LARP4B: variants seen among roughly 807,000 people sequenced by gnomAD.
LARP4B encodes the protein la-related protein 4B.
A neutral mutation model predicts 89.8 loss-of-function variants in LARP4B; 12 were observed. The observed-to-expected ratio is 0.13, with a 90% confidence interval of 0.09 to 0.22. The LOEUF is 0.22. LARP4B is among the 10% of genes least tolerant of loss of function. LARP4B has a pLI of 1.00. For missense variants in LARP4B, 757 were observed against 947.7 expected, an observed-to-expected ratio of 0.80 and a Z score of 2.64; for synonymous variants, 367 against 363.3, an observed-to-expected ratio of 1.01 and a Z score of -0.12.
At chr10:987,133 C>T in the LARP4B span, 1 of 152,082 alleles carries the variant, frequency 6.6e-6, no homozygotes, top group Non-Finnish European at 1.5e-5. Flanking sequence ...TTGCTAATCT[C>T]GGAAATGGTG....
intron 1 of LARP4B, among the ~76,000 whole-genome samples, chr10:905,748 GTCC>G (rs989644165): frequency 3.3e-5 from 5 of 152,182 alleles, no homozygotes; most frequent in Admixed American, 2.0e-4. Flanking sequence ...AGGACTGGAC[GTCC>G]TCCTGGCCTC....
chr10:813,291 A>G, intron 17 of LARP4B, 78 bp from the exon 18 acceptor site: 1 of 1,410,240 alleles, frequency 7.1e-7, no homozygotes, highest in East Asian at 2.5e-5. Flanking sequence ...TTCACTTAAG[A>G]TAAAAGAGTT....
the LARP4B span, among the ~76,000 whole-genome samples, chr10:969,357 G>A: frequency 0.046 from 6,988 of 152,214 alleles, 533 homozygotes; most frequent in African/African-American, 0.16. Flanking sequence ...AAAGCTTGAT[G>A]ACAAGGGCTC....
chr10:869,238 T>C (rs1753003625), intron 3 of LARP4B, among the ~76,000 whole-genome samples: 1 of 152,022 alleles, frequency 6.6e-6, no homozygotes, highest in Non-Finnish European at 1.5e-5. Flanking sequence ...AAGCACAGAT[T>C]TTTAGGTAAG....
Position 812,430 on chromosome 10 carries a change from C to T in LARP4B, c.*496G>A, listed in dbSNP as rs1831780379. The T allele has an allele frequency of 6.6e-6, 1 of 152,278 alleles. No individual in the cohort carries two copies. The highest frequency in any genetic ancestry group is 1.5e-5 in the Non-Finnish European group (1 of 68,104). 9.4% of individuals were successfully genotyped at this position (152,278 alleles called of 1,614,324 possible). ...CAGCTCCCACATCAGCACTGATGCC[C>T]TGGCGCGGCCAGCACTGCCTCTACG... On this transcript the variant is annotated 3_prime_UTR_variant, in exon 18 of 18. Transcript: ENST00000316157.
chr10:816,372 T>A (rs968723967), intron 15 of LARP4B, among the ~76,000 whole-genome samples: 2 of 152,194 alleles, frequency 1.3e-5, no homozygotes, highest in African/African-American at 4.8e-5. Flanking sequence ...ACCCCATCAT[T>A]TCTGGAGCCT....
At chr10:825,917 T>C (rs1486138021) in intron 11 of LARP4B, 47 bp from the exon 12 acceptor site, 1 of 1,199,830 alleles carries the variant, frequency 8.3e-7, no homozygotes, top group East Asian at 2.5e-5. Flanking sequence ...TAAAACAGAC[T>C]TCAATTTCAT....
chr10:863,263 G>A (rs962817532), intron 5 of LARP4B, among the ~76,000 whole-genome samples: 113 of 147,910 alleles, frequency 7.6e-4, no homozygotes, highest in Non-Finnish European at 4.2e-4. Context: ...TCGCTCTGTC[G>A]CCCAGGCTGG....
At chr10:882,129 T>C (rs1291475186) in intron 3 of LARP4B, among the ~76,000 whole-genome samples, 1 of 151,810 alleles carries the variant, frequency 6.6e-6, no homozygotes, top group African/African-American at 2.4e-5. Context: ...TTTAATGGGG[T>C]AATGTAAAAG....
At chr10:947,881 CA>C in the LARP4B span, among the ~76,000 whole-genome samples, 1 of 152,120 alleles carries the variant, frequency 6.6e-6, no homozygotes, top group African/African-American at 2.4e-5. Context: ...CCTCGGCCTC[CA>C]AAAGTGCTGG....
At chr10:844,044 G>A (rs1833657922) in intron 6 of LARP4B, among the ~76,000 whole-genome samples, 1 of 152,224 alleles carries the variant, frequency 6.6e-6, no homozygotes, top group African/African-American at 2.4e-5. Flanking sequence ...TTTCAAAACT[G>A]AGCACAGTGC....
At position 870,876 on chromosome 10, in the gene LARP4B, C is replaced by T. The variant is rs185347346; in HGVS notation, c.142-6606G>A. 5.3e-5 allele frequency among the ~76,000 whole-genome samples: 8 copies of T among 152,338 alleles called. No homozygotes were observed. The East Asian group carries it at 1.2e-3, about 22-fold the overall frequency. ...TCTGACTTCTGTATAACTGGATTAA[C>T]ACTTGGACTGAAATGTGGTAACACA... On this transcript the variant is annotated intron_variant, in intron 3 of 17. Transcript: ENST00000316157.
chr10:888,243 T>C (rs61830932), intron 1 of LARP4B, among the ~76,000 whole-genome samples: 24,471 of 151,578 alleles, frequency 0.16, 2,126 homozygotes, highest in Non-Finnish European at 0.19. Context: ...TTGTTTGAAC[T>C]TGAGAGAGAC....
intron 5 of LARP4B, among the ~76,000 whole-genome samples, chr10:851,269 C>T (rs1026440398): frequency 4.7e-5 from 7 of 150,174 alleles, no homozygotes; most frequent in South Asian, 2.1e-4. Flanking sequence ...CTGCAACCTA[C>T]GTTTCCTGGG....
chr10:951,495 G>A, the LARP4B span, among the ~76,000 whole-genome samples: 388 of 152,070 alleles, frequency 2.6e-3, 2 homozygotes, highest in African/African-American at 8.9e-3. Context: ...GCAATGAGCC[G>A]AGATCGCGCC....
At chr10:887,961 T>G (rs1240362245) in intron 1 of LARP4B, among the ~76,000 whole-genome samples, 1 of 145,334 alleles carries the variant, frequency 6.9e-6, no homozygotes, top group East Asian at 2.1e-4. Flanking sequence ...GAGGTGGAGG[T>G]TGCAGTTAGC....
At chr10:938,677 TAC>T in the LARP4B span, among the ~76,000 whole-genome samples, 4 of 152,224 alleles carry the variant, frequency 2.6e-5, no homozygotes, top group African/African-American at 9.7e-5. Flanking sequence ...TAGTGAAATA[TAC>T]ACACACATAT....
Position 812,987 on chromosome 10 carries a change from G to T in LARP4B, c.2156C>A (p.Pro719His), listed in dbSNP as rs1039711766. The T allele has an allele frequency of 8.8e-6, 14 of 1,585,326 alleles. No individual in the cohort carries two copies. The highest frequency in any genetic ancestry group is 1.1e-5 in the Non-Finnish European group (13 of 1,172,802). Residue 719 changes from proline to histidine, a missense_variant, in exon 18 of 18, where the codon CCC (proline) becomes CAC (histidine). Physicochemically the swap from Pro to His is moderately conservative, Grantham distance 77. Around this residue, in one of 5 missense-constraint regions of LARP4B, gnomAD observed 387 missense variants for 423.6 expected, o/e 0.91. Coordinates refer to ENST00000316157, the MANE Select transcript of LARP4B (RefSeq NM_015155.3). ...QRRPAGGRPS[P>H]SAMGKRLSRE... ...GCTGAGACGCTTCCCCATGGCCGAGGGCGAGGGCCGGCCCCCCGCCGGCCG... is the reference window on the plus strand; with the variant it reads ...GCTGAGACGCTTCCCCATGGCCGAGTGCGAGGGCCGGCCCCCCGCCGGCCG...
At chr10:914,537 C>T (rs1193590690) in intron 1 of LARP4B, among the ~76,000 whole-genome samples, 2 of 148,714 alleles carry the variant, frequency 1.3e-5, no homozygotes, top group Admixed American at 6.7e-5. Flanking sequence ...TGGCTCGCAC[C>T]CGTAATCCCA....
Sources: allele counts gnomAD v4.1 joint callset (sites outside exome capture counted in the v4.1 genomes callset), GRCh38; gene constraint gnomAD v4.1.1; regional missense constraint gnomAD v4.1.1; transcripts MANE v1.5; gene names NCBI Gene and HGNC (gene_info 2026-07-23, HGNC 2026-07-21).